The following GRM8 variants were observed in gnomAD, a reference collection of about 807,000 sequenced individuals.
GRM8 encodes the protein metabotropic glutamate receptor 8.
In GRM8, 47 loss-of-function variants were observed where a neutral mutation model predicts 87.2. The ratio of observed to expected loss-of-function variants is 0.54; its 90% CI spans 0.43 to 0.69. The LOEUF (loss-of-function observed/expected upper bound fraction) is 0.69. GRM8 is among the 30% of genes least tolerant of loss of function. The pLI is 0.00. For synonymous variants in GRM8, 396 were observed against 404.5 expected (o/e 0.98, Z 0.25); for missense variants, 1,019 against 1,139.2 (o/e 0.89, Z 1.52).
intron 2 of GRM8, among the ~76,000 whole-genome samples, chr7:127,115,487 T>C (rs1287490066): frequency 2.0e-5 from 3 of 152,184 alleles, no homozygotes; most frequent in African/African-American, 7.2e-5. Flanking sequence ...TTATGGAAAA[T>C]AAAATAACTA....
chr7:126,980,365 T>A (rs542576266), intron 3 of GRM8, among the ~76,000 whole-genome samples: 9 of 152,376 alleles, frequency 5.9e-5, no homozygotes, highest in Admixed American at 5.2e-4. Flanking sequence ...GTATCATTTT[T>A]AGCTTCATGG....
At chr7:126,846,962 A>G (rs1014163406) in intron 6 of GRM8, among the ~76,000 whole-genome samples, 4 of 152,226 alleles carry the variant, frequency 2.6e-5, no homozygotes, top group African/African-American at 9.6e-5. Context: ...TTTATTAAAT[A>G]TAATCATAAG....
At chr7:126,610,741 T>A (rs1410272857) in intron 7 of GRM8, among the ~76,000 whole-genome samples, 2 of 152,196 alleles carry the variant, frequency 1.3e-5, no homozygotes, top group African/African-American at 4.8e-5. Context: ...CAGAGTCACA[T>A]AACAACAATG....
intron 2 of GRM8, among the ~76,000 whole-genome samples, chr7:127,156,760 A>G (rs1792757294): frequency 6.6e-6 from 1 of 152,200 alleles, no homozygotes; most frequent in South Asian, 2.1e-4. Flanking sequence ...AGAAGTTAAA[A>G]TAAGCAAAAT....
intron 6 of GRM8, among the ~76,000 whole-genome samples, chr7:126,865,644 G>T (rs1798531643): frequency 6.6e-6 from 1 of 152,106 alleles, no homozygotes; most frequent in Non-Finnish European, 1.5e-5. Flanking sequence ...CTTTATAGAT[G>T]CACCCATTCT....
At chr7:126,646,552 G>T (rs973744697) in intron 7 of GRM8, among the ~76,000 whole-genome samples, 1 of 152,084 alleles carries the variant, frequency 6.6e-6, no homozygotes, top group Non-Finnish European at 1.5e-5. Context: ...AACCAGGAGA[G>T]GCTTATCAGT....
At chr7:126,907,578 G>C (rs1187437180) in intron 3 of GRM8, among the ~76,000 whole-genome samples, 1 of 152,070 alleles carries the variant, frequency 6.6e-6, no homozygotes, top group Non-Finnish European at 1.5e-5. Context: ...CAACAAAAAT[G>C]AGATGGAGAT....
At chr7:126,688,665 A>G (rs1032481965) in intron 7 of GRM8, among the ~76,000 whole-genome samples, 1 of 151,958 alleles carries the variant, frequency 6.6e-6, no homozygotes, top group Admixed American at 6.6e-5. Flanking sequence ...TAGATAACAT[A>G]CCAGCTTTAG....
At chr7:126,549,671 G>T (rs1482329254) in intron 8 of GRM8, among the ~76,000 whole-genome samples, 1 of 152,050 alleles carries the variant, frequency 6.6e-6, no homozygotes, top group Admixed American at 6.6e-5. Flanking sequence ...ATATGACAAG[G>T]TTTATTTTAC....
At chr7:126,897,430 T>C (rs902353796) in intron 6 of GRM8, among the ~76,000 whole-genome samples, 3 of 152,078 alleles carry the variant, frequency 2.0e-5, no homozygotes, top group African/African-American at 7.2e-5. Context: ...AGAGGAATTG[T>C]GGCAGAGGAC....
intron 7 of GRM8, among the ~76,000 whole-genome samples, chr7:126,637,912 C>T (rs552577332): frequency 1.7e-4 from 26 of 152,016 alleles, no homozygotes; most frequent in South Asian, 4.2e-4. Flanking sequence ...CAAATATATA[C>T]GAGATCACCT....
intron 7 of GRM8, among the ~76,000 whole-genome samples, chr7:126,767,784 T>C (rs975782295): frequency 2.0e-5 from 3 of 152,136 alleles, no homozygotes; most frequent in African/African-American, 7.2e-5. Flanking sequence ...TCTATGATCA[T>C]TTGCTTATCT....
At chr7:126,711,210 G>C (rs1811065774) in intron 7 of GRM8, among the ~76,000 whole-genome samples, 1 of 152,114 alleles carries the variant, frequency 6.6e-6, no homozygotes, top group African/African-American at 2.4e-5. Flanking sequence ...TTCTTAAATA[G>C]TAAGACTTGA....
At chr7:126,606,738 T>C (rs938276758) in intron 8 of GRM8, among the ~76,000 whole-genome samples, 1 of 152,254 alleles carries the variant, frequency 6.6e-6, no homozygotes, top group Non-Finnish European at 1.5e-5. Context: ...ATCATAATCA[T>C]GCATGAGAAA....
chr7:126,754,733 G>T (rs1415914816), intron 7 of GRM8, among the ~76,000 whole-genome samples: 1 of 151,894 alleles, frequency 6.6e-6, no homozygotes, highest in Non-Finnish European at 1.5e-5. Flanking sequence ...AAAAGCTGTT[G>T]TTATTATAAA....
chr7:127,167,434 C>T (rs1251247823), intron 2 of GRM8, among the ~76,000 whole-genome samples: 1 of 152,064 alleles, frequency 6.6e-6, no homozygotes, highest in African/African-American at 2.4e-5. Flanking sequence ...TTTTATTGCA[C>T]TTTACAGATA....
intron 7 of GRM8, among the ~76,000 whole-genome samples, chr7:126,707,872 C>A (rs1003225202): frequency 6.6e-6 from 1 of 151,940 alleles, no homozygotes; most frequent in Non-Finnish European, 1.5e-5. Context: ...AGAGCACAGG[C>A]AAGAAGAGCA....
At chr7:126,903,400 C>T (rs2131215300) in intron 5 of GRM8, among the ~76,000 whole-genome samples, 1 of 151,936 alleles carries the variant, frequency 6.6e-6, no homozygotes, top group Non-Finnish European at 1.5e-5. Flanking sequence ...CATATATATT[C>T]ATTTTCTATA....
chr7:127,129,496 A>G (rs976708824), intron 2 of GRM8, among the ~76,000 whole-genome samples: 4 of 152,180 alleles, frequency 2.6e-5, no homozygotes, highest in African/African-American at 9.6e-5. Context: ...CAAAATAGCC[A>G]AAATCAAATT....
Sources: gnomAD v4.1 joint callset for allele counts (sites outside exome capture counted in the v4.1 genomes callset) on GRCh38, gnomAD v4.1.1 for gene constraint, MANE v1.5 for transcripts, NCBI Gene and HGNC (gene_info 2026-07-23, HGNC 2026-07-21) for gene names.